Variants in SLC52A3 observed in about 807,000 individuals in gnomAD.
SLC52A3 encodes solute carrier family 52 member 3.
Under a neutral mutation model 29.5 loss-of-function variants are expected in SLC52A3, and 20 were observed. That is an observed-to-expected ratio of 0.68 (90% confidence interval 0.48 to 0.99). SLC52A3 has a LOEUF of 0.99. Among genes scored for constraint, SLC52A3 ranks in the 50% least tolerant of loss-of-function variants. SLC52A3 has a pLI of 0.00. For synonymous variants in SLC52A3, 301 were observed against 271.0 expected (o/e 1.11, Z -1.09); for missense variants, 548 against 612.9 (o/e 0.89, Z 1.12).
Position 761,803 on chromosome 20 carries a change from G to A in SLC52A3, c.1095C>T (p.Val365=), listed in dbSNP as rs776667122. ...CAAAGCAGGTCCCAAGCACGGAGAG[G>A]ACCCCCAGGAACAGCAGAGACCTAG... is the stretch of plus-strand genomic sequence containing the variant. ...LPNRSLLFLG[V]LSVLGTCFGG... Residue 365 remains valine, a synonymous_variant, in exon 4 of 5, where the codon GTC becomes GTT. Coordinates refer to ENST00000645534, the MANE Select transcript of SLC52A3 (RefSeq NM_033409.4). 21 of 1,614,088 alleles carry A rather than the reference G, an allele frequency of 1.3e-5. No homozygotes were observed. The highest frequency in any genetic ancestry group is 2.7e-5 in the African/African-American group (2 of 74,936).
At chr20:772,285 G>T (rs182206517), upstream of SLC52A3, among the ~76,000 whole-genome samples, 3 of 152,314 alleles carry the variant, frequency 2.0e-5, no homozygotes, top group African/African-American at 4.8e-5. Context: ...TTGAGGGATG[G>T]GATTTGGCTC....
chr20:774,001 G>A lies in SLC52A3; in HGVS notation c.-238+1954C>T, dbSNP rs115637085. ...GTATTACTGACACCAGCTCAGTTACGGGAGTTTATCTGTGTCTATCTGTTG... is the reference window on the plus strand; with the variant it reads ...GTATTACTGACACCAGCTCAGTTACAGGAGTTTATCTGTGTCTATCTGTTG... On this transcript the variant is annotated intron_variant, in intron 1 of 5. Transcript: ENST00000217254. Among the ~76,000 whole-genome samples the A allele has an allele frequency of 7.8e-3, 1,181 of 151,854 alleles. 18 individuals are homozygous for A. The highest frequency in any genetic ancestry group is 0.027 in the African/African-American group (1,108 of 41,422).
intron 1 of SLC52A3, among the ~76,000 whole-genome samples, chr20:775,401 G>A (rs1003749413): frequency 1.3e-5 from 2 of 151,864 alleles, no homozygotes; most frequent in African/African-American, 4.8e-5. Flanking sequence ...CAGCCTCTGA[G>A]TAGCTGGGAC....
Position 765,237 on chromosome 20 carries a change from C to T in SLC52A3, c.538G>A (p.Val180Ile). 6.2e-7 allele frequency: 1 copy of T among 1,614,140 alleles called. No individual in the cohort carries two copies. The highest frequency in any genetic ancestry group is 8.5e-7 in the Non-Finnish European group (1 of 1,180,036). The change falls in exon 2 of 5, where the codon GTA becomes ATA. Residue 180 changes from valine to isoleucine, a missense_variant. This residue lies in a region of SLC52A3 where 375 missense variants were observed against 471.1 expected (regional missense o/e 0.80). Transcript: ENST00000645534. This position sits in a 1 kb window ranked among gnomAD's most constrained non-coding sequence, Gnocchi z 6.6. ...TEISDSVPSP[V>I]PTRETDIAQG... ...GCGATGTCAGTCTCCCTCGTGGGTA[C>T]AGGGCTTGGTACGCTGTCTGATATC...
chr20:761,119 G>A lies in SLC52A3; in HGVS notation c.1317C>T (p.Gly439=), dbSNP rs1407678950. ...LLWCGAAVQL[G]SLLGALLMFP... The stretch of plus-strand genomic sequence containing the variant: ...ACATGAGCAGCGCTCCGAGCAGCGA[G>A]CCCAGCTGCACCGCCGCCCCGCACC... Residue 439 remains glycine, a synonymous_variant, in exon 5 of 5, where the codon GGC becomes GGT. Coordinates refer to ENST00000645534, the MANE Select transcript of SLC52A3 (RefSeq NM_033409.4). The A allele has an allele frequency of 6.2e-7, 1 of 1,601,132 alleles. No individual in the cohort carries two copies. Among genetic ancestry groups the A allele is most frequent in the South Asian group, 1.1e-5 (1 of 89,038 alleles).
Position 765,173 on chromosome 20 carries a change from C to T in SLC52A3, c.567+35G>A, listed in dbSNP as rs1986631496. 1 of 1,612,878 alleles carries T rather than the reference C, an allele frequency of 6.2e-7. No homozygotes were observed. Among genetic ancestry groups the T allele is most frequent in the Admixed American group, 1.7e-5 (1 of 59,996 alleles). ...CCCTCCCCTACATTTGTGATAAAGCCAAGTGCTGAGATGGCTCCGGGTGAT... is the reference window on the plus strand; with the variant it reads ...CCCTCCCCTACATTTGTGATAAAGCTAAGTGCTGAGATGGCTCCGGGTGAT... On this transcript the variant is annotated intron_variant, in intron 2 of 4. Transcript: ENST00000645534. The surrounding 1 kb of genome is among the most constrained non-coding windows in gnomAD (Gnocchi z 6.6).
At chr20:778,489 C>T (rs1987129336), upstream of SLC52A3, among the ~76,000 whole-genome samples, 1 of 152,128 alleles carries the variant, frequency 6.6e-6, no homozygotes, top group African/African-American at 2.4e-5. Context: ...GATTTCCACG[C>T]ACAGATATGT....
At chr20:761,955 C>T (rs1205201522) in intron 3 of SLC52A3, 131 bp from the exon 4 acceptor site, 2 of 1,427,274 alleles carry the variant, frequency 1.4e-6, no homozygotes, top group Non-Finnish European at 1.9e-6. Flanking sequence ...TCCAGGTTGC[C>T]TGGCTCAAGT....
chr20:771,516 G>GT (rs1304531655), upstream of SLC52A3, among the ~76,000 whole-genome samples: 2 of 152,140 alleles, frequency 1.3e-5, no homozygotes, highest in African/African-American at 4.8e-5. Context: ...AAAGATTATA[G>GT]TAACCAAAAA....
chr20:761,280 G>T, intron 4 of SLC52A3, 42 bp from the exon 5 acceptor site: 19 of 1,518,294 alleles, frequency 1.3e-5, no homozygotes, highest in Non-Finnish European at 1.7e-5. Flanking sequence ...CACGGGGCTT[G>T]CGGGGCGAGC....
At chr20:778,080 A>G (rs1987117753), upstream of SLC52A3, among the ~76,000 whole-genome samples, 1 of 150,852 alleles carries the variant, frequency 6.6e-6, no homozygotes, top group Non-Finnish European at 1.5e-5. Flanking sequence ...CAATGCTGCA[A>G]TCTCGGCTCA....
In SLC52A3 at chr20:761,794, C is replaced by G. The variant is rs542125026; in HGVS notation, c.1104G>C (p.Val368=). ...RSLLFLGVLS[V]LGTCFGGYNM... ...TGTAGCCCCCAAAGCAGGTCCCAAG[C>G]ACGGAGAGGACCCCCAGGAACAGCA... Residue 368 remains valine, a synonymous_variant, in exon 4 of 5, where the codon GTG becomes GTC. Transcript: ENST00000645534. 1.9e-6 allele frequency: 3 copies of G among 1,614,194 alleles called. No individual in the cohort carries two copies. Among genetic ancestry groups the G allele is most frequent in the African/African-American group, 1.3e-5 (1 of 75,056 alleles).
At chr20:775,888 A>G (rs6140159) in intron 1 of SLC52A3, 20,882 of 152,454 alleles carry the variant, frequency 0.14, 2,138 homozygotes, top group East Asian at 0.55. Flanking sequence ...GCTCCTAGCT[A>G]GCAGGCAGCC....
Position 763,782 on chromosome 20 carries a change from G to A in SLC52A3, c.789C>T (p.His263=). Residue 263 remains histidine (H), a synonymous_variant, in exon 3 of 5, where the codon CAC becomes CAT. Transcript: ENST00000645534. ...CATTCTCTTCCCGCGGCCGGATGGA[G>A]TGGAGGGTGACCTGGTCATTGAGGA... The part of the protein sequence containing the change: ...EDLLNDQVTL[H]SIRPREENDL... 1 of 1,614,160 alleles carries A rather than the reference G, an allele frequency of 6.2e-7. No homozygotes were observed. The highest frequency in any genetic ancestry group is 8.5e-7 in the Non-Finnish European group (1 of 1,179,998).
upstream of SLC52A3, among the ~76,000 whole-genome samples, chr20:772,454 T>C (rs573295727): frequency 1.7e-4 from 26 of 152,340 alleles, no homozygotes; most frequent in South Asian, 5.2e-3. Flanking sequence ...CAGTCATTAA[T>C]GTCAATGAAG....
upstream of SLC52A3, among the ~76,000 whole-genome samples, chr20:771,673 A>AC (rs1048819734): frequency 5.3e-5 from 8 of 150,218 alleles, no homozygotes; most frequent in African/African-American, 2.0e-4. Flanking sequence ...AGATATGAAA[A>AC]AAAAAAAAAA....
chr20:777,267 A>AAAAAC (rs777609989), upstream of SLC52A3, among the ~76,000 whole-genome samples: 8,879 of 39,766 alleles, frequency 0.22, 633 homozygotes, highest in East Asian at 0.5. Context: ...CAAACAAACA[A>AAAAAC]AAAACAAAAA....
rs1343443531 is a variant in SLC52A3 at position 761,293 on chromosome 20, C to T, written c.1198-55G>A. The T allele has an allele frequency of 4.0e-6, 6 of 1,495,976 alleles. No homozygotes were observed. In the East Asian group the frequency reaches 9.9e-5, roughly 25 times the overall value. 92.7% of individuals were successfully genotyped at this position (1,495,976 alleles called of 1,614,324 possible). The stretch of plus-strand genomic sequence containing the variant: ...GTCACGGGGCTTGCGGGGCGAGCGC[C>T]GGAGCAAAGAACTCTCACAGGGCTC... On this transcript the variant is annotated intron_variant, in intron 4 of 4. Transcript: ENST00000645534.
At chr20:769,847 A>C (rs1291450707), upstream of SLC52A3, among the ~76,000 whole-genome samples, 2 of 152,066 alleles carry the variant, frequency 1.3e-5, no homozygotes, top group Non-Finnish European at 2.9e-5. Context: ...CAGTGAGCCG[A>C]GATCATGCCA....
Sources: gnomAD v4.1 joint callset for allele counts (sites outside exome capture counted in the v4.1 genomes callset) on GRCh38, gnomAD v4.1.1 for gene constraint, gnomAD v4.1.1 regional missense constraint, Gnocchi (gnomAD v3.1) non-coding constraint, MANE v1.5 for transcripts, NCBI Gene and HGNC (gene_info 2026-07-23, HGNC 2026-07-21) for gene names.